CERKL: variants seen among roughly 807,000 people sequenced by gnomAD.
CERKL encodes CERK like autophagy regulator, also known as ceramide kinase-like protein.
Under a neutral mutation model 63.4 loss-of-function variants are expected in CERKL, and 61 were observed. The observed-to-expected ratio is 0.96, with a 90% CI of 0.78 to 1.19. The LOEUF is 1.19. CERKL is among the 50% of genes most tolerant of loss of function. The probability of loss-of-function intolerance (pLI) is 0.00; values close to 1 mark genes in which losing one functional copy is unlikely to be tolerated. For synonymous variants in CERKL, 250 were observed against 230.5 expected, an observed-to-expected ratio of 1.08 and a Z score of -0.77; for missense variants, 675 against 655.5, an observed-to-expected ratio of 1.03 and a Z score of -0.33.
intron 1 of CERKL, among the ~76,000 whole-genome samples, chr2:181,645,528 T>C (rs529162293): frequency 3.9e-5 from 6 of 152,362 alleles, no homozygotes; most frequent in African/African-American, 1.4e-4. Context: ...AAGTTGGCTT[T>C]GGACTGTGAA....
chr2:181,622,332 G>A (rs1200243469), intron 1 of CERKL, among the ~76,000 whole-genome samples: 1 of 152,152 alleles, frequency 6.6e-6, no homozygotes, highest in Non-Finnish European at 1.5e-5. Flanking sequence ...GTCCACCTGT[G>A]CCTCTGTGGC....
intron 2 of CERKL, among the ~76,000 whole-genome samples, chr2:181,582,448 C>A (rs78699960): frequency 3.3e-5 from 5 of 151,222 alleles, no homozygotes. Flanking sequence ...GTAGTAGTAT[C>A]GGTATAAAAT....
intron 1 of CERKL, among the ~76,000 whole-genome samples, chr2:181,654,395 TA>T (rs1423393323): frequency 6.6e-6 from 1 of 152,210 alleles, no homozygotes; most frequent in Non-Finnish European, 1.5e-5. Context: ...TAAAATACAT[TA>T]ATGTCTTTGC....
At chr2:181,570,009 T>G (rs2105840168) in intron 3 of CERKL, among the ~76,000 whole-genome samples, 1 of 152,282 alleles carries the variant, frequency 6.6e-6, no homozygotes, top group African/African-American at 2.4e-5. Flanking sequence ...GGCTGAATAT[T>G]TTTGAAATAT....
chr2:181,537,126 A>G lies in CERKL; in HGVS notation c.*1058T>C, dbSNP rs200646302. 2.2e-6 allele frequency: 1 copy of G among 453,008 alleles called. No individual in the cohort carries two copies. The highest frequency in any genetic ancestry group is 4.4e-6 in the Non-Finnish European group (1 of 226,538). The allele number at this position is 453,008 out of a possible 1,614,324, so 28.1% of individuals were successfully genotyped here. A position where few individuals can be genotyped will look rare whatever the true frequency, so the allele number is the denominator to read the frequency against. The stretch of plus-strand genomic sequence containing the variant: ...ACTTTATGACATTTATGTATTTTTA[A>G]AAAACTTTGTATCGTTATAAAAAGG... On this transcript the variant is annotated 3_prime_UTR_variant, in exon 13 of 13. Coordinates refer to ENST00000410087, the MANE Select transcript of CERKL (RefSeq NM_201548.5).
chr2:181,607,999 C>T (rs940889711), intron 1 of CERKL, among the ~76,000 whole-genome samples: 5 of 151,888 alleles, frequency 3.3e-5, no homozygotes, highest in Admixed American at 2.0e-4. Context: ...CTTTTCATTT[C>T]TTTTTCTTTA....
intron 1 of CERKL, among the ~76,000 whole-genome samples, chr2:181,643,197 T>C (rs1687522638): frequency 1.3e-5 from 2 of 152,248 alleles, no homozygotes; most frequent in South Asian, 2.1e-4. Context: ...ATAGGTATTT[T>C]CTTTAAAATG....
At chr2:181,568,768 C>G (rs1338592400) in intron 3 of CERKL, among the ~76,000 whole-genome samples, 2 of 150,688 alleles carry the variant, frequency 1.3e-5, no homozygotes. Context: ...ATGTGCCATG[C>G]TGGTGCGCTG....
At chr2:181,610,840 A>C (rs1685936378) in intron 1 of CERKL, among the ~76,000 whole-genome samples, 1 of 152,210 alleles carries the variant, frequency 6.6e-6, no homozygotes, top group Non-Finnish European at 1.5e-5. Flanking sequence ...TAGAAAAGGA[A>C]AATTCTTTAA....
intron 3 of CERKL, among the ~76,000 whole-genome samples, chr2:181,570,908 C>A (rs780734800): frequency 6.6e-6 from 1 of 152,058 alleles, no homozygotes; most frequent in East Asian, 1.9e-4. Context: ...CCCATTCACA[C>A]AAGGATACAT....
intron 2 of CERKL, among the ~76,000 whole-genome samples, chr2:181,574,998 A>G (rs1689068021): frequency 2.0e-5 from 3 of 152,198 alleles, no homozygotes; most frequent in Admixed American, 6.5e-5. Flanking sequence ...AGAAGCCTGC[A>G]TCAGCCTCCA....
At chr2:181,655,572 C>T (rs530634262) in intron 1 of CERKL, among the ~76,000 whole-genome samples, 1 of 152,206 alleles carries the variant, frequency 6.6e-6, no homozygotes, top group Non-Finnish European at 1.5e-5. Context: ...TTTCGTGAAG[C>T]GAGCGAGCAT....
At chr2:181,551,499 A>G (rs1214470707) in intron 5 of CERKL, among the ~76,000 whole-genome samples, 2 of 152,196 alleles carry the variant, frequency 1.3e-5, no homozygotes, top group African/African-American at 4.8e-5. Context: ...AAGTGGGCAA[A>G]GGATACGAAC....
At chr2:181,581,373 T>C (rs1449840183) in intron 2 of CERKL, among the ~76,000 whole-genome samples, 4 of 152,208 alleles carry the variant, frequency 2.6e-5, no homozygotes, top group Non-Finnish European at 4.4e-5. Flanking sequence ...TCTTGATTCA[T>C]AGACCCCTGT....
chr2:181,649,729 G>T (rs748989921), intron 1 of CERKL: 20 of 152,114 alleles, frequency 1.3e-4, no homozygotes, highest in African/African-American at 3.4e-4. Flanking sequence ...TGACCACAGC[G>T]TTATAATACT....
At chr2:181,545,467 T>C (rs1687684754) in intron 10 of CERKL, among the ~76,000 whole-genome samples, 2 of 152,186 alleles carry the variant, frequency 1.3e-5, no homozygotes, top group Admixed American at 6.6e-5. Context: ...CAGAAATACA[T>C]ACAAATGACT....
At chr2:181,602,149 G>A (rs1223883058) in intron 2 of CERKL, among the ~76,000 whole-genome samples, 1 of 152,150 alleles carries the variant, frequency 6.6e-6, no homozygotes, top group African/African-American at 2.4e-5. Context: ...TTGTTGTGAT[G>A]TCCTCTGCTT....
chr2:181,597,287 ATTTTC>A (rs1685259090), intron 2 of CERKL, among the ~76,000 whole-genome samples: 1 of 152,126 alleles, frequency 6.6e-6, no homozygotes, highest in African/African-American at 2.4e-5. Flanking sequence ...GTTTAAAAAG[ATTTTC>A]TTTTGTTAAC....
At chr2:181,580,685 T>C (rs1184718784) in intron 2 of CERKL, among the ~76,000 whole-genome samples, 1 of 152,222 alleles carries the variant, frequency 6.6e-6, no homozygotes, top group African/African-American at 2.4e-5. Context: ...TAAGAGCTGT[T>C]TGACATAAGT....
Sources: gnomAD v4.1 joint callset for allele counts (sites outside exome capture counted in the v4.1 genomes callset) on GRCh38, gnomAD v4.1.1 for gene constraint, MANE v1.5 for transcripts, NCBI Gene and HGNC (gene_info 2026-07-23, HGNC 2026-07-21) for gene names.